ELSPBP1: variants seen among roughly 807,000 people sequenced by gnomAD.
ELSPBP1 encodes the protein epididymal sperm-binding protein 1.
Under a neutral mutation model 33.3 loss-of-function variants are expected in ELSPBP1, and 38 were observed. The ratio of observed to expected loss-of-function variants is 1.14; its 90% CI spans 0.88 to 1.50. ELSPBP1 has a LOEUF of 1.50. Ranked by LOEUF, ELSPBP1 falls within the 40% of genes most tolerant of loss-of-function variation. The pLI is 0.00. For synonymous variants in ELSPBP1, 85 were observed against 94.1 expected, an observed-to-expected ratio of 0.90 and a Z score of 0.56; for missense variants, 267 against 263.5, an observed-to-expected ratio of 1.01 and a Z score of -0.09.
chr19:48,022,478 C>A, intron 6 of ELSPBP1, 144 bp downstream of exon 6: 1 of 667,508 alleles, frequency 1.5e-6, no homozygotes, highest in Non-Finnish European at 2.3e-6. Flanking sequence ...AGATCTGTTG[C>A]TTTTCCAGCA....
intron 1 of ELSPBP1, among the ~76,000 whole-genome samples, chr19:48,000,590 A>C (rs773819171): frequency 2.2e-4 from 34 of 152,202 alleles, no homozygotes; most frequent in Non-Finnish European, 4.3e-4. Flanking sequence ...CTGAGAGTCA[A>C]ATACATTCCA....
At chr19:48,014,980 G>A (rs1183228442) in intron 3 of ELSPBP1, among the ~76,000 whole-genome samples, 2 of 152,130 alleles carry the variant, frequency 1.3e-5, no homozygotes, top group African/African-American at 4.8e-5. Context: ...ATTTGAGGCT[G>A]GGCGAGGTGG....
chr19:48,019,958 T>C (rs1967182535), intron 5 of ELSPBP1, 81 bp downstream of exon 5: 2 of 1,472,392 alleles, frequency 1.4e-6, no homozygotes, highest in Non-Finnish European at 1.8e-6. Context: ...GAAACCCCAC[T>C]GTGAGCCAGG....
rs574124086 is a variant in ELSPBP1, at chr19:48,000,606, C to T, written c.-18+5795C>T. ...TGAGAGTCAAATACATTCCATAACA[C>T]TCTGAAGGTCACACGGATGAGCAGA... is the stretch of plus-strand genomic sequence containing the variant. On this transcript the variant is annotated intron_variant, in intron 1 of 6. Transcript: ENST00000339841. Among the ~76,000 whole-genome samples the T allele has an allele frequency of 1.2e-4, 18 of 152,314 alleles. No homozygotes were observed. In the East Asian group the frequency reaches 3.5e-3, roughly 29 times the overall value.
At chr19:48,013,068 C>T (rs1456856562) in intron 2 of ELSPBP1, among the ~76,000 whole-genome samples, 3 of 152,118 alleles carry the variant, frequency 2.0e-5, no homozygotes, top group African/African-American at 4.8e-5. Flanking sequence ...TTGAAGCTTT[C>T]TCTTTTGCGT....
intron 1 of ELSPBP1, 136 bp downstream of exon 1, chr19:47,994,947 A>T (rs1334644082): frequency 6.6e-6 from 1 of 152,264 alleles, no homozygotes; most frequent in Non-Finnish European, 1.5e-5. Context: ...TAAGTTTTAT[A>T]GCAGAAGCAC....
intron 6 of ELSPBP1, among the ~76,000 whole-genome samples, chr19:48,023,095 G>A (rs111917966): frequency 6.9e-6 from 1 of 144,030 alleles, no homozygotes; most frequent in African/African-American, 2.7e-5. Flanking sequence ...GAAGAAAGAT[G>A]AAGGAAGGAA....
At position 48,008,717 on chromosome 19, in the gene ELSPBP1, A is replaced by C. The variant is rs1400550174; in HGVS notation, c.50A>C (p.Tyr17Ser). ...TTGGGATGGACAACCTTCCTTCTCT[A>C]TTCCTATGAGTCAAGTGGAGGTAAG... ...YLLGWTTFLL[Y>S]SYESSGGMHE... is the part of the protein sequence containing the mutation. Residue 17 changes from tyrosine to serine, a missense_variant, in exon 2 of 7, where the codon TAT becomes TCT. Coordinates refer to ENST00000339841, the MANE Select transcript of ELSPBP1 (RefSeq NM_022142.5). 1.9e-6 allele frequency: 3 copies of C among 1,613,880 alleles called. No individual in the cohort carries two copies. In the South Asian group the frequency reaches 3.3e-5, roughly 18 times the overall value.
At chr19:48,022,687 C>T (rs1967214958) in intron 6 of ELSPBP1, among the ~76,000 whole-genome samples, 1 of 152,050 alleles carries the variant, frequency 6.6e-6, no homozygotes, top group South Asian at 2.1e-4. Flanking sequence ...GTCTGGGAGG[C>T]TTTGGCTGTT....
intron 1 of ELSPBP1, among the ~76,000 whole-genome samples, chr19:48,000,367 A>C (rs2122290492): frequency 6.6e-6 from 1 of 151,988 alleles, no homozygotes; most frequent in African/African-American, 2.4e-5. Flanking sequence ...CAGTCTCCTG[A>C]GTAGCTGGGA....
chr19:48,025,115 C>A lies in ELSPBP1; in HGVS notation c.*171C>A, dbSNP rs1036141840. On this transcript the variant is annotated 3_prime_UTR_variant, in exon 7 of 7. Coordinates refer to ENST00000339841, the MANE Select transcript of ELSPBP1 (RefSeq NM_022142.5). Reference sequence around the variant, plus strand: ...CTTTGTGAAGAACGTAGAGAGAATGCGGCATAACCACCAATAAAGGAGTCT... The same window carrying A: ...CTTTGTGAAGAACGTAGAGAGAATGAGGCATAACCACCAATAAAGGAGTCT... The A allele has an allele frequency of 6.6e-6, 1 of 152,152 alleles. No individual in the cohort carries two copies. Among genetic ancestry groups the A allele is most frequent in the African/African-American group, 2.4e-5 (1 of 41,434 alleles). The allele number at this position is 152,152 out of a possible 1,614,324, so 9.4% of individuals were successfully genotyped here.
rs753280127 is a variant in ELSPBP1 at position 48,000,754 on chromosome 19, C to T, written c.-18+5943C>T. Among the ~76,000 whole-genome samples, 15 of 152,292 alleles carry T rather than the reference C, an allele frequency of 9.8e-5. No homozygotes were observed. In the Middle Eastern group the frequency reaches 0.01, roughly 104 times the overall value. ...CCACACAGCTGGCTTGAGAGGGAGC[C>T]TAAGGTTAGACACCTTTGCTCCGTA... On this transcript the variant is annotated intron_variant, in intron 1 of 6. Transcript: ENST00000339841.
chr19:48,005,455 A>T (rs10417927), intron 1 of ELSPBP1, among the ~76,000 whole-genome samples: 53,331 of 151,868 alleles, frequency 0.35, 9,711 homozygotes, highest in East Asian at 0.46. Flanking sequence ...GCAGATCTAC[A>T]CTGGGGGCTA....
At chr19:48,002,157 G>C (rs1195512722) in intron 1 of ELSPBP1, among the ~76,000 whole-genome samples, 1 of 152,132 alleles carries the variant, frequency 6.6e-6, no homozygotes, top group African/African-American at 2.4e-5. Flanking sequence ...CTTCCACTGT[G>C]CGGATGAGGA....
At chr19:47,999,037 C>A (rs1008209468) in intron 1 of ELSPBP1, among the ~76,000 whole-genome samples, 14 of 152,122 alleles carry the variant, frequency 9.2e-5, no homozygotes, top group African/African-American at 3.4e-4. Flanking sequence ...GCAGCTTTGC[C>A]CTCACTGATC....
At chr19:48,001,276 T>G (rs911424489) in intron 1 of ELSPBP1, among the ~76,000 whole-genome samples, 10 of 151,904 alleles carry the variant, frequency 6.6e-5, no homozygotes, top group African/African-American at 2.2e-4. Flanking sequence ...GTTCAAGAGA[T>G]TCTCCTGCCT....
chr19:48,001,745 G>T (rs536939851), intron 1 of ELSPBP1, among the ~76,000 whole-genome samples: 2 of 151,478 alleles, frequency 1.3e-5, no homozygotes, highest in African/African-American at 2.4e-5. Flanking sequence ...GTAGATAGGG[G>T]TCTCACTGTG....
chr19:48,019,643 A>G (rs1967177353), intron 4 of ELSPBP1, 76 bp from the exon 5 acceptor site: 1 of 1,444,058 alleles, frequency 6.9e-7, no homozygotes, highest in Admixed American at 2.0e-5. Flanking sequence ...AAAGCGTGGC[A>G]CAGTTTGTGT....
rs375089976 is a variant in ELSPBP1 at position 48,005,366 on chromosome 19, G to A, written c.-17-3285G>A. 3.9e-5 allele frequency among the ~76,000 whole-genome samples: 6 copies of A among 152,242 alleles called. No homozygotes were observed. The East Asian group carries it at 1.2e-3, about 29-fold the overall frequency. ...CCTTCCTTTAGTCTTTAACAGCAGAGGCAGGAAAAGCGGATAGATTCAGGA... is the reference window on the plus strand; with the variant it reads ...CCTTCCTTTAGTCTTTAACAGCAGAAGCAGGAAAAGCGGATAGATTCAGGA... On this transcript the variant is annotated intron_variant, in intron 1 of 6. Transcript: ENST00000339841.
Sources: allele counts gnomAD v4.1 joint callset (sites outside exome capture counted in the v4.1 genomes callset), GRCh38; gene constraint gnomAD v4.1.1; transcripts MANE v1.5; gene names NCBI Gene and HGNC (gene_info 2026-07-23, HGNC 2026-07-21).